The following TOPAZ1 variants were observed in gnomAD, a reference collection of about 807,000 sequenced individuals.
TOPAZ1 encodes the protein protein TOPAZ1.
TOPAZ1 carries 66 observed loss-of-function variants against 172.2 expected under a neutral mutation model. The observed-to-expected ratio is 0.38, with a 90% CI of 0.31 to 0.47. The LOEUF is 0.47. Ranked by LOEUF, TOPAZ1 falls within the 20% of genes least tolerant of loss-of-function variation. TOPAZ1 has a pLI of 0.99. For synonymous variants in TOPAZ1, 681 were observed against 683.9 expected, an observed-to-expected ratio of 1.00 and a Z score of 0.07; for missense variants, 1,822 against 1,972.4, an observed-to-expected ratio of 0.92 and a Z score of 1.44.
At chr3:44,261,133 T>C (rs1018704790) in intron 4 of TOPAZ1, among the ~76,000 whole-genome samples, 13 of 152,162 alleles carry the variant, frequency 8.5e-5, no homozygotes, top group African/African-American at 2.9e-4. Context: ...TGTAGTTTTT[T>C]TAATGTATAA....
intron 3 of TOPAZ1, among the ~76,000 whole-genome samples, 193 bp downstream of exon 3, chr3:44,255,222 G>T (rs1475011458): frequency 6.7e-6 from 1 of 149,026 alleles, no homozygotes; most frequent in East Asian, 1.9e-4. Flanking sequence ...TTTTCTGTTT[G>T]ATTATTTAAT....
chr3:44,326,971 G>A (rs1480493305), intron 18 of TOPAZ1, among the ~76,000 whole-genome samples: 3 of 152,156 alleles, frequency 2.0e-5, no homozygotes, highest in Non-Finnish European at 4.4e-5. Flanking sequence ...CCAAAAACTA[G>A]TAAAGTTAAT....
At chr3:44,315,820 A>G (rs1700445546) in intron 16 of TOPAZ1, among the ~76,000 whole-genome samples, 1 of 151,950 alleles carries the variant, frequency 6.6e-6, no homozygotes, top group Non-Finnish European at 1.5e-5. Flanking sequence ...TTCTCAAATA[A>G]TTTTCACCAA....
intron 19 of TOPAZ1, among the ~76,000 whole-genome samples, chr3:44,328,904 G>T (rs887780124): frequency 6.6e-6 from 1 of 152,142 alleles, no homozygotes; most frequent in Non-Finnish European, 1.5e-5. Context: ...TATAAAGTAG[G>T]TACTGTACCA....
intron 13 of TOPAZ1, among the ~76,000 whole-genome samples, chr3:44,304,823 C>G (rs186098384): frequency 2.5e-3 from 376 of 152,280 alleles, no homozygotes; most frequent in Non-Finnish European, 3.8e-3. Context: ...TGCTGCTCAT[C>G]ATGTTTTCCG....
Position 44,270,909 on chromosome 3 carries a change from T to G in TOPAZ1, c.3372+99T>G, listed in dbSNP as rs991080454. 2.3e-5 allele frequency: 26 copies of G among 1,138,820 alleles called. No homozygotes were observed. The African/African-American group carries it at 3.8e-4, about 17-fold the overall frequency. The allele number at this position is 1,138,820 out of a possible 1,614,324, so 70.5% of individuals were successfully genotyped here. ...TCATTGACTCCTAATAGCATAGATG[T>G]GAGTTTTGCCTGCTTTTGTTCTTTA... On this transcript the variant is annotated intron_variant, in intron 8 of 19. Coordinates refer to ENST00000309765, the MANE Select transcript of TOPAZ1 (RefSeq NM_001145030.2).
Position 44,323,177 on chromosome 3 carries a change from C to G in TOPAZ1, c.4557C>G (p.Ser1519=). ...AAAGCAGTAGTCTTGGTATGTCATCCTCTGTGGCAGAATTCATGATTTCAA... is the reference window on the plus strand; with the variant it reads ...AAAGCAGTAGTCTTGGTATGTCATCGTCTGTGGCAGAATTCATGATTTCAA... ...CIESSSLGMS[S]SVAEFMISKS... Residue 1519 remains serine (S), a synonymous_variant, in exon 18 of 20, where the codon TCC becomes TCG. Coordinates refer to ENST00000309765, the MANE Select transcript of TOPAZ1 (RefSeq NM_001145030.2). 2 of 1,550,196 alleles carry G rather than the reference C, an allele frequency of 1.3e-6. No homozygotes were observed. The highest frequency in any genetic ancestry group is 1.7e-6 in the Non-Finnish European group (2 of 1,146,008).
At chr3:44,257,409 CTATTTTATA>C (rs144994865) in intron 4 of TOPAZ1, among the ~76,000 whole-genome samples, 7,032 of 73,332 alleles carry the variant, frequency 0.096, 405 homozygotes, top group African/African-American at 0.21. Flanking sequence ...GTGTGTGTGT[CTATTTTATA>C]TATTTTATAT....
At chr3:44,330,489 T>C (rs1700655598) in intron 19 of TOPAZ1, among the ~76,000 whole-genome samples, 1 of 152,230 alleles carries the variant, frequency 6.6e-6, no homozygotes, top group African/African-American at 2.4e-5. Flanking sequence ...TCTTTAGACT[T>C]TTTAAGACTG....
In TOPAZ1 at chr3:44,244,671, C is replaced by G; in HGVS notation, c.2165C>G (p.Ser722Cys). The part of the protein sequence containing the change: ...YSPLELLDNL[S>C]GADVRQNRSK... ...CCTCTAGAACTTCTGGACAATTTAT[C>G]TGGAGCAGACGTAAGACAGAACAGG... The change falls in exon 2 of 20, where the codon TCT (serine) becomes TGT (cysteine). Residue 722 changes from serine (S) to cysteine (C), a missense_variant. Transcript: ENST00000309765. The G allele has an allele frequency of 1.3e-6, 2 of 1,551,310 alleles. No individual in the cohort carries two copies. Among genetic ancestry groups the G allele is most frequent in the South Asian group, 1.2e-5 (1 of 83,988 alleles).
chr3:44,297,942 G>A (rs981087157), intron 12 of TOPAZ1, among the ~76,000 whole-genome samples: 1 of 152,092 alleles, frequency 6.6e-6, no homozygotes, highest in African/African-American at 2.4e-5. Context: ...CTTGTATGTT[G>A]GAAGTTACAA....
intron 8 of TOPAZ1, among the ~76,000 whole-genome samples, chr3:44,278,614 T>C (rs1400807593): frequency 6.6e-6 from 1 of 152,196 alleles, no homozygotes; most frequent in Admixed American, 6.5e-5. Context: ...CTAGATTTTC[T>C]ACTTTTTCAT....
chr3:44,335,271 G>A (rs1288773046), downstream of TOPAZ1, among the ~76,000 whole-genome samples: 1 of 152,046 alleles, frequency 6.6e-6, no homozygotes, highest in East Asian at 1.9e-4. Context: ...TGCACTAAGG[G>A]CCACCGCTGC....
At chr3:44,247,968 A>G (rs1221945794) in intron 2 of TOPAZ1, among the ~76,000 whole-genome samples, 1 of 152,146 alleles carries the variant, frequency 6.6e-6, no homozygotes, top group Non-Finnish European at 1.5e-5. Flanking sequence ...GACTATTTTG[A>G]TTCATCGCTT....
At chr3:44,271,514 A>T (rs1699898367) in intron 8 of TOPAZ1, among the ~76,000 whole-genome samples, 1 of 152,196 alleles carries the variant, frequency 6.6e-6, no homozygotes, top group Admixed American at 6.5e-5. Context: ...TATAATCTGT[A>T]TACAAGTTCT....
chr3:44,243,873 C>T lies in TOPAZ1; in HGVS notation c.1367C>T (p.Ser456Leu), dbSNP rs777656593. 3 of 1,551,922 alleles carry T rather than the reference C, an allele frequency of 1.9e-6. No individual in the cohort carries two copies. Among genetic ancestry groups the T allele is most frequent in the Non-Finnish European group, 2.6e-6 (3 of 1,147,008 alleles). ...FKSMKSFIGK[S>L]PNEYHIERRS... ...TCGATGAAAAGCTTCATAGGGAAAT[C>T]ACCTAATGAGTACCATATTGAAAGG... Residue 456 changes from serine to leucine, a missense_variant, in exon 2 of 20, where the codon TCA (serine) becomes TTA (leucine). By Grantham distance (145) the Ser-to-Leu change is moderately radical. Transcript: ENST00000309765.
intron 17 of TOPAZ1, among the ~76,000 whole-genome samples, chr3:44,322,572 T>C (rs942710761): frequency 2.0e-5 from 3 of 152,166 alleles, no homozygotes; most frequent in African/African-American, 7.2e-5. Flanking sequence ...TTAGAGAATA[T>C]GTAAGATAGG....
chr3:44,298,515 C>A (rs1254898178), intron 12 of TOPAZ1, among the ~76,000 whole-genome samples: 1 of 151,810 alleles, frequency 6.6e-6, no homozygotes, highest in Non-Finnish European at 1.5e-5. Context: ...AATGTTAAGA[C>A]TTACTAACAG....
At chr3:44,330,205 T>G (rs1017351001) in intron 19 of TOPAZ1, among the ~76,000 whole-genome samples, 2 of 152,184 alleles carry the variant, frequency 1.3e-5, no homozygotes, top group African/African-American at 4.8e-5. Context: ...GAGGGCTTCC[T>G]TATTTACCAC....
Sources: gnomAD v4.1 joint callset for allele counts (sites outside exome capture counted in the v4.1 genomes callset) on GRCh38, gnomAD v4.1.1 for gene constraint, MANE v1.5 for transcripts, NCBI Gene and HGNC (gene_info 2026-07-23, HGNC 2026-07-21) for gene names.